Variants in PCDH11X observed in about 807,000 individuals in gnomAD.
PCDH11X encodes protocadherin-11 X-linked.
PCDH11X carries 18 observed loss-of-function variants against 53.3 expected under a neutral mutation model. The ratio of observed to expected loss-of-function variants is 0.34; its 90% CI spans 0.23 to 0.50. PCDH11X has a LOEUF of 0.50. PCDH11X is among the 20% of genes least tolerant of loss of function. The pLI, the probability that PCDH11X is intolerant of heterozygous loss-of-function variation, is 0.98. For synonymous variants in PCDH11X, 279 were observed against 393.3 expected (o/e 0.71, Z 3.44); for missense variants, 570 against 1,032.4 (o/e 0.55, Z 6.14).
At chrX:92,167,302 C>T (rs2065751788) in intron 6 of PCDH11X, among the ~76,000 whole-genome samples, 2 of 109,980 alleles carry the variant, frequency 1.8e-5, no homozygotes, top group Non-Finnish European at 3.8e-5. Flanking sequence ...GAGTCTAGTG[C>T]AAAAAAAATA....
intron 10 of PCDH11X, among the ~76,000 whole-genome samples, chrX:92,555,144 A>T (rs999302655): frequency 3.6e-5 from 4 of 111,371 alleles, no homozygotes; most frequent in Non-Finnish European, 7.5e-5. Context: ...AGTATCAGAA[A>T]GAATCTTAGA....
Position 91,949,475 on chromosome X carries a change from T to G in PCDH11X, c.3033+70202T>G, listed in dbSNP as rs1048303967. ...TTGATTGCATCTTATCATTGTAAAA[T>G]AAAGACTAGTGACTAGGAAAAAACA... is the stretch of plus-strand genomic sequence containing the variant. On this transcript the variant is annotated intron_variant, in intron 6 of 10. Coordinates refer to ENST00000682573, the MANE Select transcript of PCDH11X (RefSeq NM_032968.5). Among the ~76,000 whole-genome samples, 3 of 110,343 alleles carry G rather than the reference T, an allele frequency of 2.7e-5. No individual in the cohort carries two copies. The South Asian group carries it at 1.1e-3, about 42-fold the overall frequency.
intron 7 of PCDH11X, among the ~76,000 whole-genome samples, chrX:92,252,135 C>G (rs189590822): frequency 4.5e-5 from 5 of 111,137 alleles, no homozygotes; most frequent in Non-Finnish European, 9.4e-5. Context: ...ACCACCAGCA[C>G]TCTAAGTTGA....
At chrX:92,116,930 G>A (rs1341206183) in intron 6 of PCDH11X, among the ~76,000 whole-genome samples, 2 of 108,730 alleles carry the variant, frequency 1.8e-5, no homozygotes, top group Non-Finnish European at 3.8e-5. Context: ...TGTTGGGTTA[G>A]CAGTGTTATA....
At chrX:92,318,364 C>G (rs1363000075) in intron 8 of PCDH11X, among the ~76,000 whole-genome samples, 2 of 111,579 alleles carry the variant, frequency 1.8e-5, no homozygotes, top group Admixed American at 1.9e-4. Flanking sequence ...CCTGTACAAT[C>G]CAGCAATCAA....
At chrX:92,582,651 G>A (rs5942311) in intron 10 of PCDH11X, among the ~76,000 whole-genome samples, 1,859 of 111,119 alleles carry the variant, frequency 0.017, 82 homozygotes, top group Admixed American at 0.1. Flanking sequence ...CTGAGGCAGT[G>A]CCTAGTGGAG....
intron 7 of PCDH11X, among the ~76,000 whole-genome samples, chrX:92,257,162 C>T (rs1569444263): frequency 1.8e-5 from 2 of 111,140 alleles, no homozygotes; most frequent in African/African-American, 6.6e-5. Context: ...GAAAAAGGAG[C>T]TGCTACAGAC....
chrX:91,795,086 G>T (rs1199926406), intron 1 of PCDH11X, among the ~76,000 whole-genome samples: 5 of 110,502 alleles, frequency 4.5e-5, no homozygotes, highest in African/African-American at 1.6e-4. Flanking sequence ...TTTGTAAATT[G>T]CCCAGTCTTG....
At chrX:91,934,126 T>C (rs2061419359) in intron 6 of PCDH11X, among the ~76,000 whole-genome samples, 1 of 111,369 alleles carries the variant, frequency 9.0e-6, no homozygotes. Flanking sequence ...TCACCTCAGC[T>C]ATTGAAATCT....
chrX:91,948,899 G>A (rs111713837), intron 6 of PCDH11X, among the ~76,000 whole-genome samples: 1,607 of 110,576 alleles, frequency 0.015, 40 homozygotes, highest in African/African-American at 0.051. Flanking sequence ...AGAAGGTGAG[G>A]ATAAGGACAG....
chrX:92,262,868 G>A (rs968245977), intron 7 of PCDH11X: 2 of 200,297 alleles, frequency 1.0e-5, no homozygotes, highest in African/African-American at 3.1e-5. Context: ...TTTTGTATGT[G>A]GCTCTTCATA....
At chrX:91,976,158 T>A (rs2062043567) in intron 6 of PCDH11X, among the ~76,000 whole-genome samples, 1 of 111,460 alleles carries the variant, frequency 9.0e-6, no homozygotes, top group South Asian at 3.8e-4. Context: ...GCTCAAGTAA[T>A]CCTCCCACCT....
At chrX:92,425,103 C>T (rs2072076120) in intron 9 of PCDH11X, among the ~76,000 whole-genome samples, 2 of 105,763 alleles carry the variant, frequency 1.9e-5, no homozygotes, top group South Asian at 4.1e-4. Flanking sequence ...GACAAACTGT[C>T]GTTATCAGCA....
At chrX:92,609,240 A>G (rs762032529) in intron 10 of PCDH11X, among the ~76,000 whole-genome samples, 3 of 111,692 alleles carry the variant, frequency 2.7e-5, no homozygotes, top group East Asian at 5.6e-4. Context: ...GTTTTCAAAT[A>G]TTTTGCATAA....
intron 10 of PCDH11X, among the ~76,000 whole-genome samples, chrX:92,474,248 C>A (rs1405246115): frequency 1.8e-5 from 2 of 110,782 alleles, no homozygotes; most frequent in African/African-American, 6.6e-5. Flanking sequence ...TATAATTTGT[C>A]TGATATAAGT....
At chrX:92,105,921 C>A (rs1293992529) in intron 6 of PCDH11X, among the ~76,000 whole-genome samples, 13 of 111,448 alleles carry the variant, frequency 1.2e-4, no homozygotes. Context: ...CCTGACACTT[C>A]CCTCTACAGT....
At chrX:92,277,628 G>A (rs879949883) in intron 8 of PCDH11X, among the ~76,000 whole-genome samples, 12 of 108,444 alleles carry the variant, frequency 1.1e-4, no homozygotes, top group East Asian at 8.8e-4. Flanking sequence ...ATAAGAGGTC[G>A]GGGCATGGAA....
intron 10 of PCDH11X, among the ~76,000 whole-genome samples, chrX:92,571,944 C>T (rs2148774752): frequency 9.0e-6 from 1 of 111,545 alleles, no homozygotes; most frequent in South Asian, 3.7e-4. Context: ...AACAAATGAA[C>T]AATGAAACAA....
At chrX:92,033,428 G>A (rs2148017924) in intron 6 of PCDH11X, among the ~76,000 whole-genome samples, 1 of 105,843 alleles carries the variant, frequency 9.4e-6, no homozygotes, top group East Asian at 3.0e-4. Flanking sequence ...TTACTTGTTA[G>A]TGGTCTTTTC....
Sources: allele counts gnomAD v4.1 joint callset (sites outside exome capture counted in the v4.1 genomes callset), GRCh38; gene constraint gnomAD v4.1.1; transcripts MANE v1.5; gene names NCBI Gene and HGNC (gene_info 2026-07-23, HGNC 2026-07-21).